IL1RAP: variants seen among roughly 807,000 people sequenced by gnomAD.
IL1RAP encodes interleukin 1 receptor accessory protein.
In IL1RAP, 35 loss-of-function variants were observed where a neutral mutation model predicts 60.7. That is an observed-to-expected ratio of 0.58 (90% CI 0.44 to 0.76). The LOEUF is 0.76. Among genes scored for constraint, IL1RAP ranks in the 30% least tolerant of loss-of-function variants. The pLI is 0.00. For synonymous variants in IL1RAP, 268 were observed against 250.9 expected (o/e 1.07, Z -0.64); for missense variants, 572 against 693.9 (o/e 0.82, Z 1.97).
At position 190,609,127 on chromosome 3, in the gene IL1RAP, A is replaced by G. The variant is rs780540177; in HGVS notation, c.483A>G (p.Pro161=). The G allele has an allele frequency of 5.6e-6, 9 of 1,612,896 alleles. No individual in the cohort carries two copies. Among genetic ancestry groups the G allele is most frequent in the Non-Finnish European group, 2.5e-6 (3 of 1,179,398 alleles). Residue 161 remains proline (P), a synonymous_variant, in exon 5 of 12, where the codon CCA becomes CCG. Coordinates refer to ENST00000447382, the MANE Select transcript of IL1RAP (RefSeq NM_002182.4). ...ATGGCATTCAGAGGATCACTTGTCC[A>G]AATGTAGATGGATATTTTCCTTCCA... The part of the protein sequence containing the change: ...IEYGIQRITC[P]NVDGYFPSSV...
chr3:190,523,677 G>A (rs538495971), intron 1 of IL1RAP, among the ~76,000 whole-genome samples: 1 of 152,216 alleles, frequency 6.6e-6, no homozygotes, highest in African/African-American at 2.4e-5. Context: ...CTCTATCCAT[G>A]TTTCGGTAAA....
rs926482946 is a variant in IL1RAP at position 190,651,071 on chromosome 3, AT to A, written c.*2375del. The A allele has an allele frequency of 6.4e-5, 62 of 967,426 alleles. No individual in the cohort carries two copies. The highest frequency in any genetic ancestry group is 5.3e-4 in the Middle Eastern group (1 of 1,880). The allele number at this position is 967,426 out of a possible 1,614,324, so 59.9% of individuals were successfully genotyped here. A position where few individuals can be genotyped will look rare whatever the true frequency, so the allele number is the denominator to read the frequency against. ...TCATTGCAAGAGAATTTGTTTCAAGATTTTTTTTTAATGTTCCAGAAGATGG... is the reference window on the plus strand; with the variant it reads ...TCATTGCAAGAGAATTTGTTTCAAGATTTTTTTTAATGTTCCAGAAGATGG... On this transcript the variant is annotated 3_prime_UTR_variant, in exon 12 of 12. Coordinates refer to ENST00000447382, the MANE Select transcript of IL1RAP (RefSeq NM_002182.4).
At chr3:190,639,654 A>G (rs761936936) in intron 9 of IL1RAP, among the ~76,000 whole-genome samples, 1 of 151,968 alleles carries the variant, frequency 6.6e-6, no homozygotes, top group East Asian at 1.9e-4. Flanking sequence ...GCTTTTTTAT[A>G]TAGCTTTTTA....
Position 190,609,935 on chromosome 3 carries a change from C to T in IL1RAP, c.537+754C>T, listed in dbSNP as rs1021045030. Among the ~76,000 whole-genome samples, 32 of 152,272 alleles carry T rather than the reference C, an allele frequency of 2.1e-4. 1 individual carries two copies. Among genetic ancestry groups the T allele is most frequent in the African/African-American group, 7.7e-4 (32 of 41,560 alleles). On this transcript the variant is annotated intron_variant, in intron 5 of 11. Transcript: ENST00000447382. ...CGCCAAAAGAGCCAACAGGTACTCACTGGAAAGTGTGATGAGCCAACGTGA... is the reference window on the plus strand; with the variant it reads ...CGCCAAAAGAGCCAACAGGTACTCATTGGAAAGTGTGATGAGCCAACGTGA...
At chr3:190,520,073 G>A (rs7628580) in intron 1 of IL1RAP, among the ~76,000 whole-genome samples, 2,074 of 152,250 alleles carry the variant, frequency 0.014, 54 homozygotes, top group African/African-American at 0.047. Context: ...ATGGAGAGGG[G>A]GAGTATATTG....
At chr3:190,605,539 TGGCTTTGCTAG>T (rs1730251321) in intron 4 of IL1RAP, among the ~76,000 whole-genome samples, 1 of 152,148 alleles carries the variant, frequency 6.6e-6, no homozygotes, top group Non-Finnish European at 1.5e-5. Flanking sequence ...AACCGGTGTG[TGGCTTTGCTAG>T]GGCTGCAATG....
chr3:190,590,245 ATTC>A (rs1400562522), intron 3 of IL1RAP, among the ~76,000 whole-genome samples: 27 of 151,114 alleles, frequency 1.8e-4, no homozygotes, highest in African/African-American at 5.6e-4. Context: ...TGTGGACAGG[ATTC>A]TTCTTCTTCT....
intron 1 of IL1RAP, among the ~76,000 whole-genome samples, chr3:190,522,411 GT>G (rs1560135876): frequency 9.9e-6 from 1 of 101,320 alleles, no homozygotes; most frequent in Non-Finnish European, 1.9e-5. Flanking sequence ...ATCTATCTAT[GT>G]ATCTATGTAT....
At chr3:190,638,767 G>A (rs1733423461) in intron 9 of IL1RAP, among the ~76,000 whole-genome samples, 1 of 151,920 alleles carries the variant, frequency 6.6e-6, no homozygotes, top group African/African-American at 2.4e-5. Context: ...AGAAATTGAA[G>A]TTCAGTTTTC....
chr3:190,559,829 A>G (rs1725733261), intron 2 of IL1RAP, among the ~76,000 whole-genome samples: 1 of 152,242 alleles, frequency 6.6e-6, no homozygotes, highest in Admixed American at 6.5e-5. Context: ...AGAATGCCTT[A>G]TTTTTTACTT....
intron 1 of IL1RAP, among the ~76,000 whole-genome samples, chr3:190,526,224 C>A (rs1344571352): frequency 6.6e-6 from 1 of 152,170 alleles, no homozygotes; most frequent in African/African-American, 2.4e-5. Flanking sequence ...CTCGGAATAA[C>A]CGTATGTGGC....
At chr3:190,652,660 C>T (rs933905280), downstream of IL1RAP, among the ~76,000 whole-genome samples, 5 of 152,002 alleles carry the variant, frequency 3.3e-5, no homozygotes, top group Non-Finnish European at 7.4e-5. Context: ...AAGCAGAGTT[C>T]GACACTAATG....
rs893199781 is a variant in IL1RAP at position 190,569,924 on chromosome 3, C to T, written c.64+5571C>T. On this transcript the variant is annotated intron_variant, in intron 3 of 11. Transcript: ENST00000447382. ...TTTGTTTTTGCTATCCTTTCCCTCA[C>T]TCCCCCAACCCTGAATATTCATTTC... Among the ~76,000 whole-genome samples the T allele has an allele frequency of 2.6e-5, 4 of 152,310 alleles. No homozygotes were observed. The East Asian group carries it at 7.7e-4, about 29-fold the overall frequency.
intron 3 of IL1RAP, among the ~76,000 whole-genome samples, chr3:190,590,665 G>A (rs1728868098): frequency 6.6e-6 from 1 of 152,144 alleles, no homozygotes. Flanking sequence ...AAATGGGAAG[G>A]GTGAAAATAG....
chr3:190,548,128 C>A (rs1724547638), intron 1 of IL1RAP, among the ~76,000 whole-genome samples: 1 of 152,176 alleles, frequency 6.6e-6, no homozygotes, highest in Non-Finnish European at 1.5e-5. Context: ...AGTCTAATTT[C>A]TGAAGACAGG....
intron 3 of IL1RAP, among the ~76,000 whole-genome samples, chr3:190,598,478 G>A (rs1414948435): frequency 6.6e-6 from 1 of 151,942 alleles, no homozygotes; most frequent in East Asian, 1.9e-4. Flanking sequence ...TTTGCCAACT[G>A]TATTACCTAG....
intron 3 of IL1RAP, among the ~76,000 whole-genome samples, chr3:190,568,213 C>T (rs1397385552): frequency 6.6e-6 from 1 of 152,130 alleles, no homozygotes; most frequent in Admixed American, 6.6e-5. Flanking sequence ...GGCTGGATTT[C>T]ACACACATTA....
At chr3:190,572,105 A>C (rs1726979388) in intron 3 of IL1RAP, among the ~76,000 whole-genome samples, 1 of 152,154 alleles carries the variant, frequency 6.6e-6, no homozygotes, top group South Asian at 2.1e-4. Context: ...GACCAGATGC[A>C]AAAACCTACT....
intron 7 of IL1RAP, 53 bp downstream of exon 7, chr3:190,623,468 A>G: frequency 3.2e-6 from 4 of 1,251,096 alleles, no homozygotes; most frequent in Non-Finnish European, 3.5e-6. Context: ...ATTACAAGGA[A>G]TAAAATGTCA....
Sources: allele counts gnomAD v4.1 joint callset (sites outside exome capture counted in the v4.1 genomes callset), GRCh38; gene constraint gnomAD v4.1.1; transcripts MANE v1.5; gene names NCBI Gene and HGNC (gene_info 2026-07-23, HGNC 2026-07-21).